The following CELF2 variants were observed in gnomAD, a reference collection of about 807,000 sequenced individuals.
CELF2 encodes the protein CUGBP Elav-like family member 2, also known as CUG triplet repeat RNA-binding protein 2.
A neutral mutation model predicts 62.6 loss-of-function variants in CELF2; 8 were observed. That is an observed-to-expected ratio of 0.13 (90% CI 0.07 to 0.23). CELF2 has a LOEUF of 0.23. Among genes scored for constraint, CELF2 ranks in the 10% least tolerant of loss-of-function variants. The pLI is 1.00. For missense variants in CELF2, 333 were observed against 671.0 expected (o/e 0.50, Z 5.56); for synonymous variants, 258 against 250.0 (o/e 1.03, Z -0.30).
At chr10:11,313,780 C>G (rs181757450) in intron 9 of CELF2, among the ~76,000 whole-genome samples, 124 of 138,390 alleles carry the variant, frequency 9.0e-4, no homozygotes, top group Middle Eastern at 3.8e-3. Flanking sequence ...CTTACTCATG[C>G]CCATAGGCTT....
At chr10:10,825,169 A>G (rs760218207) in intron 1 of CELF2, among the ~76,000 whole-genome samples, 18 of 152,074 alleles carry the variant, frequency 1.2e-4, no homozygotes, top group Non-Finnish European at 2.2e-4. Flanking sequence ...TTTGGAGGGA[A>G]GGATACCGAT....
At chr10:10,607,774 G>T in the CELF2 span, among the ~76,000 whole-genome samples, 42,345 of 151,996 alleles carry the variant, frequency 0.28, 6,282 homozygotes, top group South Asian at 0.51. Context: ...ACTCTGTTTT[G>T]GGGGGATGTC....
the CELF2 span, among the ~76,000 whole-genome samples, chr10:10,467,907 G>T: frequency 6.6e-6 from 1 of 151,966 alleles, no homozygotes; most frequent in Admixed American, 6.6e-5. Context: ...GCACCATCAA[G>T]GTCAAGAGAC....
At chr10:10,552,614 G>GT in the CELF2 span, among the ~76,000 whole-genome samples, 5 of 152,182 alleles carry the variant, frequency 3.3e-5, no homozygotes, top group African/African-American at 9.6e-5. Context: ...GAGTGTTTTT[G>GT]TGGGGGGCGG....
At chr10:10,517,106 C>A in the CELF2 span, among the ~76,000 whole-genome samples, 5 of 152,162 alleles carry the variant, frequency 3.3e-5, no homozygotes, top group Admixed American at 6.6e-5. Flanking sequence ...AACATAATAT[C>A]TAATATTTAT....
chr10:11,313,238 C>T (rs926461621), intron 9 of CELF2, among the ~76,000 whole-genome samples: 1 of 152,166 alleles, frequency 6.6e-6, no homozygotes, highest in Non-Finnish European at 1.5e-5. Context: ...GGATAATTTC[C>T]AAATCTATGC....
intron 2 of CELF2, among the ~76,000 whole-genome samples, chr10:10,932,431 A>C (rs2066172249): frequency 6.6e-6 from 1 of 152,202 alleles, no homozygotes; most frequent in Non-Finnish European, 1.5e-5. Context: ...TCAATATGTG[A>C]AGTGATAGAT....
At chr10:10,835,927 A>G (rs1401175714) in intron 1 of CELF2, among the ~76,000 whole-genome samples, 1 of 152,168 alleles carries the variant, frequency 6.6e-6, no homozygotes, top group Non-Finnish European at 1.5e-5. Context: ...TACAGAACGA[A>G]GTGATGGTAG....
At chr10:10,553,504 T>C in the CELF2 span, among the ~76,000 whole-genome samples, 1 of 152,044 alleles carries the variant, frequency 6.6e-6, no homozygotes, top group Non-Finnish European at 1.5e-5. Flanking sequence ...AACATATCTA[T>C]TTGAGGATGC....
At chr10:11,026,797 C>A (rs2059286019) in intron 1 of CELF2, among the ~76,000 whole-genome samples, 2 of 152,204 alleles carry the variant, frequency 1.3e-5, no homozygotes, top group South Asian at 4.1e-4. Flanking sequence ...AGGGTTGGAG[C>A]CTCGGGAGGA....
chr10:10,579,867 A>G, the CELF2 span, among the ~76,000 whole-genome samples: 1 of 152,084 alleles, frequency 6.6e-6, no homozygotes, highest in Non-Finnish European at 1.5e-5. Context: ...ACACACATGC[A>G]CACACTCCCA....
chr10:10,958,810 A>G (rs759606611), intron 2 of CELF2, among the ~76,000 whole-genome samples: 1 of 152,104 alleles, frequency 6.6e-6, no homozygotes, highest in Non-Finnish European at 1.5e-5. Flanking sequence ...CACCACTGCA[A>G]TCCAGCCTCG....
At chr10:10,652,924 A>G in the CELF2 span, among the ~76,000 whole-genome samples, 3 of 152,216 alleles carry the variant, frequency 2.0e-5, no homozygotes, top group East Asian at 5.8e-4. Flanking sequence ...AGACTGGCAA[A>G]TTGGATAAAG....
At chr10:11,000,061 G>T (rs2054367886) in intron 2 of CELF2, among the ~76,000 whole-genome samples, 1 of 152,208 alleles carries the variant, frequency 6.6e-6, no homozygotes, top group South Asian at 2.1e-4. Context: ...CTGCCTGAAA[G>T]TGGTGCTTGG....
intron 8 of CELF2, among the ~76,000 whole-genome samples, chr10:11,281,549 C>G (rs892101983): frequency 1.3e-5 from 2 of 152,084 alleles, no homozygotes; most frequent in Non-Finnish European, 2.9e-5. Flanking sequence ...ATCACTTGAG[C>G]CCCGGAGTTC....
intron 9 of CELF2, among the ~76,000 whole-genome samples, chr10:11,313,922 G>A (rs1364258169): frequency 1.3e-5 from 2 of 152,200 alleles, no homozygotes; most frequent in Non-Finnish European, 2.9e-5. Context: ...CCAGCAGTGA[G>A]TGTGTTTGCA....
At chr10:10,563,544 G>A in the CELF2 span, among the ~76,000 whole-genome samples, 1 of 150,676 alleles carries the variant, frequency 6.6e-6, no homozygotes, top group Non-Finnish European at 1.5e-5. Flanking sequence ...GGAGACGGAG[G>A]TTGCAGTGAG....
chr10:10,485,628 C>A, the CELF2 span, among the ~76,000 whole-genome samples: 6 of 152,174 alleles, frequency 3.9e-5, no homozygotes, highest in South Asian at 1.2e-3. Context: ...TTTATATTAA[C>A]AATGTTCACA....
At chr10:11,173,447 C>T (rs1475322026) in intron 2 of CELF2, among the ~76,000 whole-genome samples, 1 of 152,114 alleles carries the variant, frequency 6.6e-6, no homozygotes, top group African/African-American at 2.4e-5. Context: ...TTAAAATTAA[C>T]CATAGTTAAG....
Sources: gnomAD v4.1 joint callset for allele counts (sites outside exome capture counted in the v4.1 genomes callset) on GRCh38, gnomAD v4.1.1 for gene constraint, MANE v1.5 for transcripts, NCBI Gene and HGNC (gene_info 2026-07-23, HGNC 2026-07-21) for gene names.